Variants in SRSF9 observed in about 807,000 individuals in gnomAD.
The protein encoded by SRSF9 is serine/arginine-rich splicing factor 9.
A neutral mutation model predicts 25.9 loss-of-function variants in SRSF9; 3 were observed. The ratio of observed to expected loss-of-function variants is 0.12; its 90% CI spans 0.05 to 0.30. SRSF9 has a LOEUF of 0.30. Ranked by LOEUF, SRSF9 falls within the 10% of genes least tolerant of loss-of-function variation. SRSF9 has a pLI of 1.00. For synonymous variants in SRSF9, 114 were observed against 113.2 expected, an observed-to-expected ratio of 1.01 and a Z score of -0.05; for missense variants, 161 against 303.5, an observed-to-expected ratio of 0.53 and a Z score of 3.49.
chr12:120,469,644 C>A lies in SRSF9; in HGVS notation c.-35G>T, dbSNP rs1437427626. On this transcript the variant is annotated 5_prime_UTR_variant, in exon 1 of 4. Coordinates refer to ENST00000229390, the MANE Select transcript of SRSF9 (RefSeq NM_003769.3). Reference sequence around the variant, plus strand: ...CCGACGCCGCGGGCCCGCCGCAGCCCACGTCGCCGCCGCCGCCTCAGCACG... The same window carrying A: ...CCGACGCCGCGGGCCCGCCGCAGCCAACGTCGCCGCCGCCGCCTCAGCACG... 3 of 1,250,658 alleles carry A rather than the reference C, an allele frequency of 2.4e-6. No individual in the cohort carries two copies. Among genetic ancestry groups the A allele is most frequent in the Non-Finnish European group, 1.0e-6 (1 of 996,010 alleles). 77.5% of individuals were successfully genotyped at this position (1,250,658 alleles called of 1,614,324 possible).
At chr12:120,463,672 C>G (rs1878416783) in intron 3 of SRSF9, 1 of 278,606 alleles carries the variant, frequency 3.6e-6, no homozygotes, top group Non-Finnish European at 6.7e-6. Flanking sequence ...CACTAGTATT[C>G]TCTCCAGGTT....
At position 120,465,667 on chromosome 12, in the gene SRSF9, C is replaced by T; in HGVS notation, c.309G>A (p.Gly103=). 5.0e-6 allele frequency: 8 copies of T among 1,599,116 alleles called. No individual in the cohort carries two copies. The highest frequency in any genetic ancestry group is 6.8e-6 in the Non-Finnish European group (8 of 1,175,538). The change falls in exon 2 of 4, where the codon GGG becomes GGA. Residue 103 remains glycine, a synonymous_variant. Coordinates refer to ENST00000229390, the MANE Select transcript of SRSF9 (RefSeq NM_003769.3). ...RGGWPRGGRN[G]PPTRRSDFRV... is the part of the protein sequence containing the mutation. ...GGAAATCAGATCTTCTTGTAGGAGG[C>T]CCATTCCTCCCACCACGGGGCCACC...
chr12:120,465,899 G>T, intron 1 of SRSF9, 112 bp from the exon 2 acceptor site: 1 of 1,067,578 alleles, frequency 9.4e-7, no homozygotes, highest in Non-Finnish European at 1.3e-6. Flanking sequence ...GAAACCTAGA[G>T]TGAAGAAAAA....
chr12:120,468,300 A>C (rs1878535256), intron 1 of SRSF9, among the ~76,000 whole-genome samples: 1 of 152,016 alleles, frequency 6.6e-6, no homozygotes, highest in African/African-American at 2.4e-5. Flanking sequence ...GAAAGAAAAA[A>C]AGCTAAATAC....
chr12:120,464,264 G>A (rs545045976), intron 2 of SRSF9, 142 bp from the exon 3 acceptor site: 62 of 959,692 alleles, frequency 6.5e-5, no homozygotes, highest in Admixed American at 3.1e-4. Context: ...TAAGGGACAT[G>A]AAATCAGAAA....
chr12:120,465,788 C>CT lies in SRSF9; in HGVS notation c.189-2dup, dbSNP rs778802751. The CT allele has an allele frequency of 1.8e-5, 29 of 1,568,158 alleles. No individual in the cohort carries two copies. The highest frequency in any genetic ancestry group is 2.5e-5 in the South Asian group (2 of 81,566). ...TCCATAAATAGCATCCTCTGCATCT[C>CT]TAAAAAAAACAACAACAACAAAAAA... On this transcript the variant is annotated splice_acceptor_variant, in intron 1 of 3. Coordinates refer to ENST00000229390, the MANE Select transcript of SRSF9 (RefSeq NM_003769.3). LOFTEE classifies it high-confidence loss of function.
At position 120,469,526 on chromosome 12, in the gene SRSF9, C is replaced by T. The variant is rs1878586250; in HGVS notation, c.84G>A (p.Lys28=). Reference sequence around the variant, plus strand: ...ACTTGTAGAACAGGTCCTCCAAGTCCTTCTCGCGCACGTCGGTCGGAAGGT... The same window carrying T: ...ACTTGTAGAACAGGTCCTCCAAGTCTTTCTCGCGCACGTCGGTCGGAAGGT... The part of the protein sequence containing the change: ...VGNLPTDVRE[K]DLEDLFYKYG... The change falls in exon 1 of 4, where the codon AAG becomes AAA. Residue 28 remains lysine (K), a synonymous_variant. Transcript: ENST00000229390. The T allele has an allele frequency of 6.3e-7, 1 of 1,593,268 alleles. No individual in the cohort carries two copies. Among genetic ancestry groups the T allele is most frequent in the Non-Finnish European group, 8.5e-7 (1 of 1,171,808 alleles).
intron 1 of SRSF9, 99 bp from the exon 2 acceptor site, chr12:120,465,886 A>G: frequency 8.5e-7 from 1 of 1,182,298 alleles, no homozygotes; most frequent in Non-Finnish European, 1.2e-6. Flanking sequence ...TAAGCATAAA[A>G]GGGAAACCTA....
rs200749502 is a variant in SRSF9, at chr12:120,469,502, C to T, written c.108G>A (p.Lys36=). 1.8e-4 allele frequency: 293 copies of T among 1,602,158 alleles called. No individual in the cohort carries two copies. Among genetic ancestry groups the T allele is most frequent in the Non-Finnish European group, 2.4e-4 (284 of 1,175,738 alleles). Residue 36 remains lysine, a synonymous_variant, in exon 1 of 4, where the codon AAG becomes AAA. Coordinates refer to ENST00000229390, the MANE Select transcript of SRSF9 (RefSeq NM_003769.3). ...REKDLEDLFY[K]YGRIREIELK... Reference sequence around the variant, plus strand: ...GCTCGATCTCGCGGATGCGGCCGTACTTGTAGAACAGGTCCTCCAAGTCCT... The same window carrying T: ...GCTCGATCTCGCGGATGCGGCCGTATTTGTAGAACAGGTCCTCCAAGTCCT...
chr12:120,465,440 C>T, intron 2 of SRSF9, 187 bp downstream of exon 2: 1 of 529,814 alleles, frequency 1.9e-6, no homozygotes, highest in South Asian at 4.4e-5. Flanking sequence ...AGGCTGCACT[C>T]CCAGCGCAAT....
intron 1 of SRSF9, among the ~76,000 whole-genome samples, chr12:120,466,648 C>T (rs1253117520): frequency 6.6e-6 from 1 of 152,100 alleles, no homozygotes; most frequent in Non-Finnish European, 1.5e-5. Flanking sequence ...GCAATCCTCC[C>T]ACCTCAGCCT....
At chr12:120,464,308 C>T (rs1050187) in intron 2 of SRSF9, 186 bp from the exon 3 acceptor site, 173,836 of 580,070 alleles carry the variant, frequency 0.3, 28,115 homozygotes, top group East Asian at 0.5. Flanking sequence ...AATGAACCAC[C>T]TTGAGAAGCT....
chr12:120,466,355 GA>G (rs965083018), intron 1 of SRSF9, among the ~76,000 whole-genome samples: 5 of 150,570 alleles, frequency 3.3e-5, no homozygotes, highest in Non-Finnish European at 7.4e-5. Context: ...CAAAAAACAG[GA>G]AAAAAAAAGT....
chr12:120,463,850 G>A (rs1878422731), intron 3 of SRSF9, 100 bp downstream of exon 3: 10 of 1,373,994 alleles, frequency 7.3e-6, no homozygotes, highest in Non-Finnish European at 1.0e-5. Flanking sequence ...TTATGGTACT[G>A]TGAGGTTACC....
intron 3 of SRSF9, 47 bp downstream of exon 3, chr12:120,463,903 G>C: frequency 1.3e-6 from 2 of 1,559,830 alleles, no homozygotes; most frequent in Non-Finnish European, 1.7e-6. Flanking sequence ...TCAGGTTCAA[G>C]TGGAGTGATT....
In SRSF9 at chr12:120,469,726, G is replaced by A; in HGVS notation, c.-117C>T. The A allele has an allele frequency of 1.7e-6, 1 of 579,840 alleles. No individual in the cohort carries two copies. Among genetic ancestry groups the A allele is most frequent in the Non-Finnish European group, 2.4e-6 (1 of 415,654 alleles). 35.9% of individuals were successfully genotyped at this position (579,840 alleles called of 1,614,324 possible). A position where few individuals can be genotyped will look rare whatever the true frequency, so the allele number is the denominator to read the frequency against. ...GGCGCTCAGCCGCACTGCATTGTGG[G>A]AACGCGGAGCGGAAGCGAAGGGGTC... is the stretch of plus-strand genomic sequence containing the variant. On this transcript the variant is annotated 5_prime_UTR_variant, in exon 1 of 4. Coordinates refer to ENST00000229390, the MANE Select transcript of SRSF9 (RefSeq NM_003769.3).
Position 120,469,721 on chromosome 12 carries a change from T to C in SRSF9, c.-112A>G. 1.7e-6 allele frequency: 1 copy of C among 601,850 alleles called. No individual in the cohort carries two copies. Among genetic ancestry groups the C allele is most frequent in the Non-Finnish European group, 2.3e-6 (1 of 435,632 alleles). The allele number at this position is 601,850 out of a possible 1,614,324, so 37.3% of individuals were successfully genotyped here. On this transcript the variant is annotated 5_prime_UTR_variant, in exon 1 of 4. Transcript: ENST00000229390. ...TCCGAGGCGCTCAGCCGCACTGCAT[T>C]GTGGGAACGCGGAGCGGAAGCGAAG...
chr12:120,463,307 C>T (rs1383442121), intron 3 of SRSF9: 1 of 152,182 alleles, frequency 6.6e-6, no homozygotes, highest in Non-Finnish European at 1.5e-5. Flanking sequence ...GTGGTGCATG[C>T]CTGCAGTCCC....
chr12:120,465,020 T>C (rs1878452679), intron 2 of SRSF9: 1 of 152,216 alleles, frequency 6.6e-6, no homozygotes, highest in Non-Finnish European at 1.5e-5. Context: ...GGCTCCTCGA[T>C]TTATTTCATT....
Sources: gnomAD v4.1 joint callset for allele counts (sites outside exome capture counted in the v4.1 genomes callset) on GRCh38, gnomAD v4.1.1 for gene constraint, MANE v1.5 for transcripts, NCBI Gene and HGNC (gene_info 2026-07-23, HGNC 2026-07-21) for gene names.